The following SYCP2 variants were observed in gnomAD, a reference collection of about 807,000 sequenced individuals.
The protein encoded by SYCP2 is synaptonemal complex protein 2.
SYCP2 carries 55 observed loss-of-function variants against 211.3 expected under a neutral mutation model. The observed-to-expected ratio is 0.26, with a 90% CI of 0.21 to 0.33. SYCP2 has a LOEUF of 0.33. Among genes scored for constraint, SYCP2 ranks in the 10% least tolerant of loss-of-function variants. SYCP2 has a pLI of 1.00. For missense variants in SYCP2, 1,731 were observed against 1,752.0 expected, an observed-to-expected ratio of 0.99 and a Z score of 0.21; for synonymous variants, 570 against 555.2, an observed-to-expected ratio of 1.03 and a Z score of -0.37.
intron 38 of SYCP2, 149 bp from the exon 39 acceptor site, chr20:59,867,996 T>A: frequency 1.8e-6 from 1 of 558,772 alleles, no homozygotes; most frequent in Non-Finnish European, 3.0e-6. Context: ...GTTCCTTATG[T>A]TTTTTTTAAT....
At chr20:59,868,021 A>G (rs1172334942) in intron 38 of SYCP2, among the ~76,000 whole-genome samples, 174 bp from the exon 39 acceptor site, 3 of 151,972 alleles carry the variant, frequency 2.0e-5, no homozygotes, top group Admixed American at 6.6e-5. Flanking sequence ...AAATCAGATT[A>G]TTCTGATTTA....
At chr20:59,904,319 C>T (rs1235359347) in intron 15 of SYCP2, among the ~76,000 whole-genome samples, 1 of 152,030 alleles carries the variant, frequency 6.6e-6, no homozygotes, top group African/African-American at 2.4e-5. Context: ...GTGAACGGCT[C>T]GAGAGCTGAG....
chr20:59,900,875 CAT>C (rs976097230), intron 16 of SYCP2, 57 bp from the exon 17 acceptor site: 84 of 1,236,486 alleles, frequency 6.8e-5, no homozygotes, highest in African/African-American at 5.7e-4. Flanking sequence ...TCCACTTTTT[CAT>C]ATGTCATTTT....
chr20:59,875,519 C>T (rs1424437058), intron 33 of SYCP2, 50 bp from the exon 34 acceptor site: 2 of 1,386,698 alleles, frequency 1.4e-6, no homozygotes, highest in African/African-American at 2.9e-5. Context: ...AATATTTACA[C>T]TTGGACACAT....
intron 10 of SYCP2, 48 bp from the exon 11 acceptor site, chr20:59,914,299 T>C (rs749481203): frequency 1.1e-5 from 13 of 1,156,954 alleles, no homozygotes; most frequent in Middle Eastern, 2.4e-4. Context: ...GAAAATTAAG[T>C]TTATAAAAGA....
chr20:59,886,212 A>T (rs1197660161), intron 25 of SYCP2, among the ~76,000 whole-genome samples: 1 of 152,088 alleles, frequency 6.6e-6, no homozygotes, highest in Non-Finnish European at 1.5e-5. Context: ...CCACCATAAG[A>T]ATCATTTATT....
chr20:59,900,408 G>A (rs2060093844), intron 17 of SYCP2, 124 bp from the exon 18 acceptor site: 2 of 890,432 alleles, frequency 2.2e-6, no homozygotes, highest in Non-Finnish European at 3.3e-6. Context: ...TTCTATCCAT[G>A]TGCTGTTATA....
At chr20:59,921,644 GATA>G (rs1171910274) in intron 3 of SYCP2, among the ~76,000 whole-genome samples, 191 bp from the exon 4 acceptor site, 1 of 151,326 alleles carries the variant, frequency 6.6e-6, no homozygotes, top group African/African-American at 2.4e-5. Context: ...ACATTTCTTT[GATA>G]ATATGATTAG....
chr20:59,929,621 T>TA (rs980450995), intron 2 of SYCP2, among the ~76,000 whole-genome samples: 2 of 151,956 alleles, frequency 1.3e-5, no homozygotes, highest in South Asian at 2.1e-4. Context: ...ATATAAAGCA[T>TA]AAAAAATGCA....
chr20:59,879,809 GTAAATATAAA>G (rs1475187427), intron 31 of SYCP2, among the ~76,000 whole-genome samples: 4 of 81,210 alleles, frequency 4.9e-5, no homozygotes, highest in African/African-American at 2.0e-4. Flanking sequence ...GGGATATTTA[GTAAATATAAA>G]TAAATATATA....
chr20:59,892,607 G>C lies in SYCP2; in HGVS notation c.1888C>G (p.Gln630Glu), dbSNP rs1397133989. The change falls in exon 23 of 45, where the codon CAA becomes GAA. Residue 630 changes from glutamine (Q) to glutamate (E), a missense_variant. Around this residue, in one of 3 missense-constraint regions of SYCP2, gnomAD observed 1,387 missense variants for 1,351.3 expected, o/e 1.03. Coordinates refer to ENST00000357552, the MANE Select transcript of SYCP2 (RefSeq NM_014258.4). ...TCTCCTGACGAAGTACTTGCTCTTT[G>C]GTTATTACATAGTTCAATGTTTGTT... ...PVTNIELCNN[Q>E]RASTSSGDTL... is the part of the protein sequence containing the mutation. 3 of 1,609,250 alleles carry C rather than the reference G, an allele frequency of 1.9e-6. No individual in the cohort carries two copies. The highest frequency in any genetic ancestry group is 3.4e-5 in the Admixed American group (2 of 59,292).
chr20:59,881,355 T>G, intron 29 of SYCP2, 82 bp downstream of exon 29: 4 of 756,668 alleles, frequency 5.3e-6, no homozygotes, highest in Non-Finnish European at 6.5e-6. Flanking sequence ...TCTTCTCATT[T>G]GTTAAAAAAC....
At position 59,892,386 on chromosome 20, in the gene SYCP2, G is replaced by T. The variant is rs1555878187; in HGVS notation, c.1968C>A (p.Ser656=). The change falls in exon 24 of 45, where the codon TCC becomes TCA. Residue 656 remains serine (S), a synonymous_variant. Coordinates refer to ENST00000357552, the MANE Select transcript of SYCP2 (RefSeq NM_014258.4). The stretch of plus-strand genomic sequence containing the variant: ...CAGAATTATGATCAGATATTGAAGA[G>T]GATGATTTTTGTTTAGTAAGTTTTT... ...INKKLTKQKS[S]SSISDHNSEG... 1.3e-6 allele frequency: 2 copies of T among 1,563,464 alleles called. No homozygotes were observed. Among genetic ancestry groups the T allele is most frequent in the Non-Finnish European group, 8.7e-7 (1 of 1,151,256 alleles).
intron 14 of SYCP2, among the ~76,000 whole-genome samples, chr20:59,909,355 G>T (rs978306458): frequency 6.6e-6 from 1 of 152,094 alleles, no homozygotes; most frequent in African/African-American, 2.4e-5. Flanking sequence ...GCTCAGTTCT[G>T]TCTCCTCTCA....
chr20:59,875,875 T>C (rs2059544753), intron 33 of SYCP2, among the ~76,000 whole-genome samples: 1 of 152,010 alleles, frequency 6.6e-6, no homozygotes, highest in Non-Finnish European at 1.5e-5. Flanking sequence ...CACAGGTCTT[T>C]TTTGGGAGTC....
At position 59,916,597 on chromosome 20, in the gene SYCP2, T is replaced by TA. The variant is rs1568977175; in HGVS notation, c.428-27dup. 2.8e-6 allele frequency: 4 copies of TA among 1,411,148 alleles called. No homozygotes were observed. In the South Asian group the frequency reaches 3.5e-5, roughly 12 times the overall value. 87.4% of individuals were successfully genotyped at this position (1,411,148 alleles called of 1,614,324 possible). On this transcript the variant is annotated intron_variant, in intron 7 of 44. Coordinates refer to ENST00000357552, the MANE Select transcript of SYCP2 (RefSeq NM_014258.4). The stretch of plus-strand genomic sequence containing the variant: ...CTGAATAAAAGTGTTAAATTATTGA[T>TA]AAATGTTCATTTCAAATCCTCTTAA...
intron 14 of SYCP2, among the ~76,000 whole-genome samples, chr20:59,909,774 T>A (rs1318618115): frequency 6.6e-6 from 1 of 152,206 alleles, no homozygotes; most frequent in Non-Finnish European, 1.5e-5. Context: ...TTATACTCTA[T>A]GCGGGAAAGC....
chr20:59,907,307 C>T, intron 15 of SYCP2, 57 bp downstream of exon 15: 1 of 1,119,422 alleles, frequency 8.9e-7, no homozygotes, highest in Non-Finnish European at 1.3e-6. Context: ...AAGGATGTAA[C>T]ATTTGTTCCA....
At chr20:59,917,518 T>C (rs1012452976) in intron 7 of SYCP2, among the ~76,000 whole-genome samples, 1 of 152,212 alleles carries the variant, frequency 6.6e-6, no homozygotes, top group Non-Finnish European at 1.5e-5. Context: ...GGTGGATCAC[T>C]TTACAATTGC....
Sources: gnomAD v4.1 joint callset for allele counts (sites outside exome capture counted in the v4.1 genomes callset) on GRCh38, gnomAD v4.1.1 for gene constraint, gnomAD v4.1.1 regional missense constraint, MANE v1.5 for transcripts, NCBI Gene and HGNC (gene_info 2026-07-23, HGNC 2026-07-21) for gene names.